Variants in DACH1 observed in about 807,000 individuals in gnomAD.
The protein encoded by DACH1 is dachshund family transcription factor 1.
DACH1 carries 12 observed loss-of-function variants against 54.2 expected under a neutral mutation model. The ratio of observed to expected loss-of-function variants is 0.22; its 90% CI spans 0.14 to 0.36. The LOEUF (loss-of-function observed/expected upper bound fraction) is 0.36, where lower values mean the gene tolerates loss of function less well. Among genes scored for constraint, DACH1 ranks in the 10% least tolerant of loss-of-function variants. The pLI is 1.00. For synonymous variants in DACH1, 386 were observed against 366.2 expected (o/e 1.05, Z -0.62); for missense variants, 805 against 929.8 (o/e 0.87, Z 1.75).
intron 10 of DACH1, among the ~76,000 whole-genome samples, chr13:71,462,666 T>C (rs897825332): frequency 1.3e-5 from 2 of 151,952 alleles, no homozygotes; most frequent in Non-Finnish European, 2.9e-5. Flanking sequence ...CCAGTTACTG[T>C]TCTAACTTCT....
chr13:71,479,188 A>T lies in DACH1; in HGVS notation c.1851T>A (p.Ala617=). 6.2e-7 allele frequency: 1 copy of T among 1,611,834 alleles called. No homozygotes were observed. The highest frequency in any genetic ancestry group is 8.5e-7 in the Non-Finnish European group (1 of 1,179,330). Residue 617 remains alanine (A), a synonymous_variant, in exon 8 of 11, where the codon GCT becomes GCA. Transcript: ENST00000613252. ...AAATACCTCTATTCTTTTGTTCCAT[A>T]GCCAACTGCTTCTCAAGTGTTTCCC... The part of the protein sequence containing the change: ...ELRETLEKQL[A]MEQKNRAIVQ...
intron 3 of DACH1, among the ~76,000 whole-genome samples, chr13:71,598,588 G>T (rs1162115713): frequency 6.6e-6 from 1 of 152,032 alleles, no homozygotes; most frequent in African/African-American, 2.4e-5. Context: ...ACTCTTTTGT[G>T]ATGTAGAAAA....
intron 1 of DACH1, among the ~76,000 whole-genome samples, chr13:71,707,775 G>T (rs1005687204): frequency 6.6e-6 from 1 of 152,082 alleles, no homozygotes; most frequent in African/African-American, 2.4e-5. Flanking sequence ...AAAGACTAGA[G>T]GGTGGCATCT....
intron 1 of DACH1, among the ~76,000 whole-genome samples, chr13:71,710,126 C>T (rs1346832768): frequency 6.6e-6 from 1 of 152,000 alleles, no homozygotes; most frequent in Non-Finnish European, 1.5e-5. Flanking sequence ...AAATAGTCTA[C>T]TTATTGGGAA....
At chr13:71,841,773 C>G (rs933900452) in intron 1 of DACH1, among the ~76,000 whole-genome samples, 1 of 152,142 alleles carries the variant, frequency 6.6e-6, no homozygotes, top group Non-Finnish European at 1.5e-5. Flanking sequence ...GTCATTATGA[C>G]TTTTCTACTA....
intron 2 of DACH1, among the ~76,000 whole-genome samples, chr13:71,675,943 C>A (rs1880540146): frequency 1.3e-5 from 2 of 151,996 alleles, no homozygotes; most frequent in Non-Finnish European, 1.5e-5. Flanking sequence ...TTAATGTTGT[C>A]TGTCTTCTGT....
intron 6 of DACH1, among the ~76,000 whole-genome samples, chr13:71,491,181 A>G (rs1878950708): frequency 6.6e-6 from 1 of 152,180 alleles, no homozygotes; most frequent in South Asian, 2.1e-4. Context: ...TTTATTTAAC[A>G]TAAACAATGT....
chr13:71,834,396 A>C (rs1198381174), intron 1 of DACH1, among the ~76,000 whole-genome samples: 1 of 152,066 alleles, frequency 6.6e-6, no homozygotes. Context: ...TGGATGATGC[A>C]AAGGTTCTCA....
At chr13:71,688,771 A>G (rs1433519646) in intron 1 of DACH1, among the ~76,000 whole-genome samples, 1 of 152,248 alleles carries the variant, frequency 6.6e-6, no homozygotes, top group Non-Finnish European at 1.5e-5. Flanking sequence ...GTAATTCAGT[A>G]CACCAAATGA....
chr13:71,519,830 C>T (rs944849392), intron 6 of DACH1, among the ~76,000 whole-genome samples: 2 of 125,874 alleles, frequency 1.6e-5, no homozygotes, highest in African/African-American at 2.8e-5. Flanking sequence ...AACACTTCAC[C>T]ACAAATGTTT....
intron 1 of DACH1, among the ~76,000 whole-genome samples, chr13:71,724,261 G>A (rs1182867909): frequency 6.6e-6 from 1 of 152,184 alleles, no homozygotes; most frequent in Non-Finnish European, 1.5e-5. Flanking sequence ...CAAGTGAGAA[G>A]TAATTTTACA....
chr13:71,477,237 C>T (rs1877644717), intron 8 of DACH1, among the ~76,000 whole-genome samples: 1 of 150,148 alleles, frequency 6.7e-6, no homozygotes. Context: ...TCTCCTGCCT[C>T]AGCCTCCCAA....
chr13:71,820,067 G>A (rs1888123996), intron 1 of DACH1, among the ~76,000 whole-genome samples: 1 of 114,996 alleles, frequency 8.7e-6, no homozygotes, highest in African/African-American at 3.3e-5. Context: ...AGGAGTTTGA[G>A]ACCAGCTTCG....
intron 3 of DACH1, among the ~76,000 whole-genome samples, chr13:71,582,540 G>C (rs537912623): frequency 1.4e-4 from 22 of 152,122 alleles, no homozygotes; most frequent in Non-Finnish European, 2.6e-4. Flanking sequence ...ATGATAATCA[G>C]TTAGGATATC....
At chr13:71,606,069 TC>T (rs949925242) in intron 3 of DACH1, among the ~76,000 whole-genome samples, 20 of 152,082 alleles carry the variant, frequency 1.3e-4, no homozygotes, top group Admixed American at 1.3e-3. Context: ...TTTCTGCTAA[TC>T]TACTAGAGTA....
At chr13:71,828,893 T>G (rs1888481731) in intron 1 of DACH1, among the ~76,000 whole-genome samples, 2 of 151,826 alleles carry the variant, frequency 1.3e-5, no homozygotes, top group South Asian at 4.1e-4. Flanking sequence ...ACTGTTGCCA[T>G]GCTTGTACTC....
At chr13:71,653,921 AAAAG>A (rs1446125678) in intron 2 of DACH1, among the ~76,000 whole-genome samples, 3 of 152,202 alleles carry the variant, frequency 2.0e-5, no homozygotes, top group African/African-American at 4.8e-5. Context: ...ATCAGAAAAA[AAAAG>A]AAAGAATAGA....
intron 2 of DACH1, among the ~76,000 whole-genome samples, chr13:71,674,837 C>G (rs935666098): frequency 1.6e-5 from 2 of 124,238 alleles, no homozygotes; most frequent in African/African-American, 3.0e-5. Context: ...AAGAAAAGTA[C>G]AAAGGGAACA....
At chr13:71,752,691 A>G (rs1475777700) in intron 1 of DACH1, among the ~76,000 whole-genome samples, 1 of 152,230 alleles carries the variant, frequency 6.6e-6, no homozygotes, top group Non-Finnish European at 1.5e-5. Flanking sequence ...TTCTACTAAA[A>G]TCATCAGGTT....
Sources: allele counts gnomAD v4.1 joint callset (sites outside exome capture counted in the v4.1 genomes callset), GRCh38; gene constraint gnomAD v4.1.1; transcripts MANE v1.5; gene names NCBI Gene and HGNC (gene_info 2026-07-23, HGNC 2026-07-21).